The following XPO4 variants were observed in gnomAD, a reference collection of about 807,000 sequenced individuals.
XPO4 encodes exportin 4, also known as exportin-4.
XPO4 carries 39 observed loss-of-function variants against 143.0 expected under a neutral mutation model. The observed-to-expected ratio is 0.27, with a 90% CI of 0.21 to 0.36. The LOEUF (loss-of-function observed/expected upper bound fraction) is 0.36, where lower values mean the gene tolerates loss of function less well. Among genes scored for constraint, XPO4 ranks in the 10% least tolerant of loss-of-function variants. XPO4 has a pLI of 1.00. For synonymous variants in XPO4, 439 were observed against 474.0 expected (o/e 0.93, Z 0.96); for missense variants, 907 against 1,348.0 (o/e 0.67, Z 5.12).
chr13:20,853,071 T>A (rs890458639), intron 4 of XPO4: 2 of 984,202 alleles, frequency 2.0e-6, no homozygotes, highest in African/African-American at 3.5e-5. Context: ...GTGGCTCACA[T>A]CTGTAATCCC....
chr13:20,826,443 C>T (rs2137984474), intron 7 of XPO4, among the ~76,000 whole-genome samples: 1 of 152,278 alleles, frequency 6.6e-6, no homozygotes, highest in Middle Eastern at 3.4e-3. Context: ...AAACTATTTG[C>T]ATAATAATAT....
At chr13:20,902,767 T>G, upstream of XPO4, 2 of 1,425,442 alleles carry the variant, frequency 1.4e-6, no homozygotes, top group South Asian at 1.6e-5. Flanking sequence ...CGCCATGCGC[T>G]GCATTCTGGG....
chr13:20,799,065 C>A, intron 16 of XPO4, 100 bp downstream of exon 16: 10 of 1,038,134 alleles, frequency 9.6e-6, no homozygotes, highest in Non-Finnish European at 1.2e-5. Context: ...AAAGCTATGA[C>A]TGATACATTT....
chr13:20,809,327 G>C, intron 10 of XPO4, 102 bp from the exon 11 acceptor site: 1 of 1,418,570 alleles, frequency 7.0e-7, no homozygotes, highest in Admixed American at 2.4e-5. Context: ...GCACTGCATA[G>C]CAAAAGGAGA....
At chr13:20,806,313 AT>A (rs1166973410) in intron 13 of XPO4, among the ~76,000 whole-genome samples, 1 of 152,130 alleles carries the variant, frequency 6.6e-6, no homozygotes, top group South Asian at 2.1e-4. Context: ...TATTTCAACT[AT>A]TTTTTAAAAA....
At chr13:20,813,169 A>AC (rs71199002) in intron 9 of XPO4, among the ~76,000 whole-genome samples, 7 of 151,454 alleles carry the variant, frequency 4.6e-5, no homozygotes, top group Non-Finnish European at 8.8e-5. Flanking sequence ...GGAAACCACC[A>AC]CCCCCATAAT....
At chr13:20,890,748 G>A (rs951766924) in intron 1 of XPO4, among the ~76,000 whole-genome samples, 2 of 146,460 alleles carry the variant, frequency 1.4e-5, no homozygotes, top group Non-Finnish European at 3.0e-5. Flanking sequence ...GGCGTGAGCC[G>A]AGATTGCGCA....
intron 6 of XPO4, among the ~76,000 whole-genome samples, chr13:20,829,652 G>A (rs929768078): frequency 2.0e-5 from 3 of 152,076 alleles, no homozygotes; most frequent in Admixed American, 6.6e-5. Context: ...CAGAAGCAAA[G>A]GGAATCATAT....
At chr13:20,823,737 C>T (rs527736174) in intron 7 of XPO4, among the ~76,000 whole-genome samples, 12 of 152,214 alleles carry the variant, frequency 7.9e-5, no homozygotes, top group East Asian at 1.9e-4. Context: ...TAGCAACCTC[C>T]GCCTCCCGGG....
rs370592163 is a variant in XPO4 at position 20,809,203 on chromosome 13, C to G, written c.1373G>C (p.Arg458Pro). 7 of 1,613,912 alleles carry G rather than the reference C, an allele frequency of 4.3e-6. No individual in the cohort carries two copies. Among genetic ancestry groups the G allele is most frequent in the South Asian group, 3.3e-5 (3 of 91,060 alleles). Residue 458 changes from arginine to proline, a missense_variant, in exon 11 of 23, where the codon CGT becomes CCT. By Grantham distance (103) the Arg-to-Pro change is moderately radical. Coordinates refer to ENST00000255305, the MANE Select transcript of XPO4 (RefSeq NM_022459.5). Reference protein sequence around the residue: ...RNLTANGVASREEEEISELQE... With the variant: ...RNLTANGVASPEEEEISELQE... ...AAGTTCACTTATTTCTTCCTCCTCA[C>G]GAGAGGCCACACCATTGGCAGTCTA...
At chr13:20,852,583 AATATT>A (rs1774117311) in intron 4 of XPO4, 3 of 979,796 alleles carry the variant, frequency 3.1e-6, no homozygotes. Flanking sequence ...AATATTTGGT[AATATT>A]ATATTTGGTA....
In XPO4 at chr13:20,790,508, T is replaced by A; in HGVS notation, c.2870A>T (p.Tyr957Phe). The change falls in exon 19 of 23, where the codon TAT (tyrosine) becomes TTT (phenylalanine). Residue 957 changes from tyrosine to phenylalanine, a missense_variant. Tyr to Phe is a conservative substitution (Grantham distance 22, BLOSUM62 3). Coordinates refer to ENST00000255305, the MANE Select transcript of XPO4 (RefSeq NM_022459.5). ...RSVSAADVVL[Y>F]GVNLILPLMS... Reference sequence around the variant, plus strand: ...CAAGGGCAGAATTAGGTTTACTCCATACAACACAACATCCGCTGCTGACAC... The same window carrying A: ...CAAGGGCAGAATTAGGTTTACTCCAAACAACACAACATCCGCTGCTGACAC... 1 of 1,614,192 alleles carries A rather than the reference T, an allele frequency of 6.2e-7. No individual in the cohort carries two copies. Among genetic ancestry groups the A allele is most frequent in the Admixed American group, 1.7e-5 (1 of 60,020 alleles).
At chr13:20,794,773 G>A (rs754493516) in intron 18 of XPO4, among the ~76,000 whole-genome samples, 6 of 152,074 alleles carry the variant, frequency 3.9e-5, no homozygotes, top group Non-Finnish European at 8.8e-5. Context: ...AAGAACTCCT[G>A]GATTAAGCAG....
At chr13:20,852,686 G>A in intron 4 of XPO4, 1 of 976,970 alleles carries the variant, frequency 1.0e-6, no homozygotes. Context: ...GGAAAATACA[G>A]AATCAAATGA....
Position 20,787,062 on chromosome 13 carries a change from A to G in XPO4, c.3166-5T>C. 1 of 1,558,524 alleles carries G rather than the reference A, an allele frequency of 6.4e-7. No homozygotes were observed. The highest frequency in any genetic ancestry group is 8.7e-7 in the Non-Finnish European group (1 of 1,149,510). On this transcript the variant is annotated splice_region_variant and splice_polypyrimidine_tract_variant and intron_variant, in intron 21 of 22. Coordinates refer to ENST00000255305, the MANE Select transcript of XPO4 (RefSeq NM_022459.5). Reference sequence around the variant, plus strand: ...AACCAGCATATCAAAAACCAGCTGAAATTACATAAGACTTCTAAATAAAAA... The same window carrying G: ...AACCAGCATATCAAAAACCAGCTGAGATTACATAAGACTTCTAAATAAAAA...
intron 13 of XPO4, among the ~76,000 whole-genome samples, chr13:20,801,766 C>T (rs751387834): frequency 2.6e-5 from 4 of 152,170 alleles, no homozygotes; most frequent in Admixed American, 6.5e-5. Flanking sequence ...AATATCAGTG[C>T]TGAGAAAAGG....
rs1258882097 is a variant in XPO4, at chr13:20,803,165, TCA to T, written c.1818-2177_1818-2176del. ...TTTCTTCCAAGTTATACACCAAAAA[TCA>T]CAGAGATCTACCAACAAAAATTATT... On this transcript the variant is annotated intron_variant, in intron 13 of 22. Transcript: ENST00000255305. This position sits in a 1 kb window ranked among gnomAD's most constrained non-coding sequence, Gnocchi z 4.1. Among the ~76,000 whole-genome samples the T allele has an allele frequency of 4.0e-5, 6 of 151,352 alleles. No individual in the cohort carries two copies. Among genetic ancestry groups the T allele is most frequent in the South Asian group, 2.1e-4 (1 of 4,824 alleles).
At chr13:20,796,724 G>A (rs2059363315) in intron 17 of XPO4, 40 bp downstream of exon 17, 1 of 1,417,292 alleles carries the variant, frequency 7.1e-7, no homozygotes. Context: ...CAGCTTCAAA[G>A]AGTTTTAATC....
At chr13:20,802,328 G>A (rs2059445646) in intron 13 of XPO4, among the ~76,000 whole-genome samples, 1 of 152,110 alleles carries the variant, frequency 6.6e-6, no homozygotes, top group Non-Finnish European at 1.5e-5. Flanking sequence ...CAAGTGTTGG[G>A]ATTACAGGCA....
Sources: allele counts gnomAD v4.1 joint callset (sites outside exome capture counted in the v4.1 genomes callset), GRCh38; gene constraint gnomAD v4.1.1; non-coding constraint Gnocchi (gnomAD v3.1); transcripts MANE v1.5; gene names NCBI Gene and HGNC (gene_info 2026-07-23, HGNC 2026-07-21).